Variants in NHSL1 observed in about 807,000 individuals in gnomAD.
NHSL1 encodes the protein NHS like 1.
A neutral mutation model predicts 95.0 loss-of-function variants in NHSL1; 48 were observed. The observed-to-expected ratio is 0.51, with a 90% CI of 0.40 to 0.64. NHSL1 has a LOEUF of 0.64. Ranked by LOEUF, NHSL1 falls within the 30% of genes least tolerant of loss-of-function variation. The pLI, the probability that NHSL1 is intolerant of heterozygous loss-of-function variation, is 0.00. For synonymous variants in NHSL1, 783 were observed against 833.9 expected (o/e 0.94, Z 1.05); for missense variants, 1,971 against 2,077.7 (o/e 0.95, Z 1.00).
upstream of NHSL1, chr6:138,545,881 G>A: frequency 1.9e-5 from 18 of 964,736 alleles, no homozygotes; most frequent in Non-Finnish European, 2.1e-5. Flanking sequence ...ATCTTGAAAG[G>A]GGAAAGGAGC....
chr6:138,670,311 T>C (rs1361568649), intron 1 of NHSL1, among the ~76,000 whole-genome samples: 1 of 150,220 alleles, frequency 6.7e-6, no homozygotes, highest in African/African-American at 2.5e-5. Context: ...AGGAAAATCA[T>C]TCAAATGGAA....
chr6:138,659,918 G>C (rs1004366182), intron 1 of NHSL1, among the ~76,000 whole-genome samples: 1 of 152,138 alleles, frequency 6.6e-6, no homozygotes, highest in Non-Finnish European at 1.5e-5. Flanking sequence ...GTTTCACCCT[G>C]TTGGCCAGGC....
At chr6:138,519,048 A>AC (rs1331266749) in intron 1 of NHSL1, among the ~76,000 whole-genome samples, 15 of 151,976 alleles carry the variant, frequency 9.9e-5, no homozygotes, top group African/African-American at 1.9e-4. Context: ...ATAAATAAAT[A>AC]AATACATACA....
At chr6:138,620,668 C>T (rs916716485) in intron 1 of NHSL1, among the ~76,000 whole-genome samples, 1 of 146,900 alleles carries the variant, frequency 6.8e-6, no homozygotes, top group Non-Finnish European at 1.5e-5. Flanking sequence ...TGAAAAACAT[C>T]TAACTTTAGA....
chr6:138,469,028 A>C (rs768368056), intron 3 of NHSL1, among the ~76,000 whole-genome samples: 1 of 152,218 alleles, frequency 6.6e-6, no homozygotes, highest in Non-Finnish European at 1.5e-5. Context: ...GCTCTTTTTC[A>C]GAACACATTA....
chr6:138,501,885 A>C (rs748440799), upstream of NHSL1, among the ~76,000 whole-genome samples: 5 of 152,210 alleles, frequency 3.3e-5, no homozygotes, highest in Admixed American at 6.5e-5. Context: ...ACCTAATACA[A>C]TGTAAATGCT....
At chr6:138,550,741 G>A (rs1782971580) in intron 1 of NHSL1, among the ~76,000 whole-genome samples, 1 of 152,144 alleles carries the variant, frequency 6.6e-6, no homozygotes, top group South Asian at 2.1e-4. Context: ...AAATTAGTTT[G>A]CATAATACAC....
At chr6:138,589,110 G>A (rs1307128066) in intron 1 of NHSL1, among the ~76,000 whole-genome samples, 2 of 152,158 alleles carry the variant, frequency 1.3e-5, no homozygotes, top group Non-Finnish European at 2.9e-5. Flanking sequence ...GTAGGAACCC[G>A]CAAAGGATCC....
At chr6:138,666,853 C>T (rs1050272575) in intron 1 of NHSL1, among the ~76,000 whole-genome samples, 11 of 152,156 alleles carry the variant, frequency 7.2e-5, no homozygotes, top group African/African-American at 2.2e-4. Context: ...AATTCTGTAA[C>T]GCTGGAATCT....
intron 1 of NHSL1, among the ~76,000 whole-genome samples, chr6:138,681,250 A>C (rs1370515539): frequency 1.3e-5 from 2 of 152,272 alleles, no homozygotes; most frequent in Non-Finnish European, 2.9e-5. Flanking sequence ...ATTTGTATAC[A>C]GAAACCTCTG....
intron 2 of NHSL1, among the ~76,000 whole-genome samples, chr6:138,486,655 C>T (rs927309301): frequency 6.6e-5 from 10 of 152,124 alleles, no homozygotes; most frequent in African/African-American, 1.4e-4. Context: ...ACTTGTTCCC[C>T]GGCTTTGACT....
At chr6:138,586,555 G>C (rs1784138578) in intron 1 of NHSL1, among the ~76,000 whole-genome samples, 1 of 152,186 alleles carries the variant, frequency 6.6e-6, no homozygotes, top group Non-Finnish European at 1.5e-5. Context: ...GCCACTTCCA[G>C]AAGACACACC....
chr6:138,520,853 T>C (rs1428142113), intron 1 of NHSL1, among the ~76,000 whole-genome samples: 1 of 152,168 alleles, frequency 6.6e-6, no homozygotes, highest in Non-Finnish European at 1.5e-5. Flanking sequence ...GAAAGAAATA[T>C]GGTGGCTTGA....
chr6:138,548,395 G>A (rs77375977), upstream of NHSL1, among the ~76,000 whole-genome samples: 766 of 152,320 alleles, frequency 5.0e-3, 5 homozygotes, highest in African/African-American at 0.018. Context: ...GTTCAAGTCT[G>A]TCCAACCTGT....
At chr6:138,435,538 G>GA (rs1776021556) in intron 5 of NHSL1, among the ~76,000 whole-genome samples, 1 of 152,014 alleles carries the variant, frequency 6.6e-6, no homozygotes, top group South Asian at 2.1e-4. Context: ...AAAAGCATAT[G>GA]AAAAAACTCA....
intron 1 of NHSL1, among the ~76,000 whole-genome samples, chr6:138,591,493 T>C (rs770310189): frequency 3.3e-5 from 5 of 152,102 alleles, no homozygotes; most frequent in Non-Finnish European, 7.4e-5. Context: ...CACAGCTCAC[T>C]GCAGCCTCCA....
At chr6:138,475,420 G>A (rs564790096) in intron 2 of NHSL1, among the ~76,000 whole-genome samples, 6 of 151,680 alleles carry the variant, frequency 4.0e-5, no homozygotes, top group Non-Finnish European at 8.8e-5. Flanking sequence ...TAGATACAGG[G>A]ACTCACTATG....
intron 1 of NHSL1, among the ~76,000 whole-genome samples, chr6:138,506,844 A>G (rs939263919): frequency 1.1e-4 from 16 of 152,346 alleles, no homozygotes; most frequent in African/African-American, 3.6e-4. Context: ...TTTATTTGAT[A>G]TGGCAGATTA....
At chr6:138,683,392 A>G (rs1033402092) in intron 1 of NHSL1, among the ~76,000 whole-genome samples, 1 of 152,222 alleles carries the variant, frequency 6.6e-6, no homozygotes. Flanking sequence ...ACGCACACAC[A>G]TGCTAACTCA....
Sources: gnomAD v4.1 joint callset for allele counts (sites outside exome capture counted in the v4.1 genomes callset) on GRCh38, gnomAD v4.1.1 for gene constraint, MANE v1.5 for transcripts, NCBI Gene and HGNC (gene_info 2026-07-23, HGNC 2026-07-21) for gene names.